Variants in RGMA observed in about 807,000 individuals in gnomAD.
The protein encoded by RGMA is repulsive guidance molecule A.
A neutral mutation model predicts 23.2 loss-of-function variants in RGMA; 10 were observed. The observed-to-expected ratio is 0.43, with a 90% CI of 0.27 to 0.73. RGMA has a LOEUF of 0.73. RGMA is among the 30% of genes least tolerant of loss of function. The pLI is 0.20. For synonymous variants in RGMA, 308 were observed against 279.3 expected (o/e 1.10, Z -1.03); for missense variants, 547 against 630.5 (o/e 0.87, Z 1.42).
In RGMA at chr15:93,047,762, G is replaced by A. The variant is rs182924535; in HGVS notation, c.646-2057C>T. 6.4e-4 allele frequency among the ~76,000 whole-genome samples: 98 copies of A among 152,328 alleles called. 2 individuals carry two copies. Among genetic ancestry groups the A allele is most frequent in the Admixed American group, 4.8e-3 (74 of 15,310 alleles). The stretch of plus-strand genomic sequence containing the variant: ...GGGGGAGGCATGAGGACTGCCTGCC[G>A]GCTCTCTGGGTAGAGGGCAATGCCG... On this transcript the variant is annotated intron_variant, in intron 3 of 3. Transcript: ENST00000329082.
intron 1 of RGMA, among the ~76,000 whole-genome samples, chr15:93,074,704 T>C (rs4778095): frequency 0.21 from 32,063 of 152,116 alleles, 3,529 homozygotes; most frequent in Middle Eastern, 0.34. Flanking sequence ...TCGAAAATGC[T>C]CTTCCTTTCA....
At chr15:93,047,111 C>T (rs7176464) in intron 3 of RGMA, among the ~76,000 whole-genome samples, 9 of 151,964 alleles carry the variant, frequency 5.9e-5, no homozygotes, top group African/African-American at 1.5e-4. Context: ...TTAGACTCTG[C>T]GTTTCCAGAC....
rs2054706957 is a variant in RGMA at position 93,040,130 on chromosome 15, G to A, written c.*4868C>T. ...TGGCTGAAGTGGGAGGATTGCTTGA[G>A]CCCAGGAAGTGGAGGCTGCAGTGAG... On this transcript the variant is annotated 3_prime_UTR_variant, in exon 4 of 4. Transcript: ENST00000329082. The A allele has an allele frequency of 6.6e-6, 1 of 152,242 alleles. No homozygotes were observed. Among genetic ancestry groups the A allele is most frequent in the Non-Finnish European group, 1.5e-5 (1 of 68,068 alleles). 9.4% of individuals were successfully genotyped at this position (152,242 alleles called of 1,614,324 possible).
intron 1 of RGMA, among the ~76,000 whole-genome samples, chr15:93,076,957 C>T (rs1208951377): frequency 2.6e-5 from 4 of 152,200 alleles, no homozygotes; most frequent in African/African-American, 7.2e-5. Context: ...ACACAGGCGC[C>T]AGGGGGCTCC....
At chr15:93,086,014 T>G (rs868153230) in intron 1 of RGMA, among the ~76,000 whole-genome samples, 2 of 152,370 alleles carry the variant, frequency 1.3e-5, no homozygotes, top group African/African-American at 4.8e-5. Context: ...AGGCTGAAAC[T>G]GAGCAGTCAT....
intron 3 of RGMA, among the ~76,000 whole-genome samples, chr15:93,048,268 A>G (rs761937897): frequency 1.3e-5 from 2 of 152,138 alleles, no homozygotes; most frequent in Non-Finnish European, 2.9e-5. Context: ...CCCCCGGAAG[A>G]ACAGAGGGAG....
chr15:93,081,099 A>G (rs1203551096), intron 1 of RGMA, among the ~76,000 whole-genome samples: 1 of 152,124 alleles, frequency 6.6e-6, no homozygotes, highest in African/African-American at 2.4e-5. Flanking sequence ...GAGACCTGGG[A>G]TTTGGGGTGG....
intron 2 of RGMA, chr15:93,065,987 A>C: frequency 8.5e-7 from 1 of 1,178,458 alleles, no homozygotes; most frequent in Non-Finnish European, 1.2e-6. Context: ...CGCTGCGCGG[A>C]GTCTTTGGCC....
chr15:93,053,585 G>A (rs1430641680), intron 2 of RGMA, among the ~76,000 whole-genome samples: 1 of 152,228 alleles, frequency 6.6e-6, no homozygotes, highest in East Asian at 1.9e-4. Context: ...ATAAAATTGA[G>A]TTGCACATAA....
At chr15:93,049,478 A>G (rs1414884131) in intron 3 of RGMA, among the ~76,000 whole-genome samples, 1 of 152,184 alleles carries the variant, frequency 6.6e-6, no homozygotes, top group East Asian at 1.9e-4. Context: ...GAAGAGGGTG[A>G]TGGAGCAGGA....
intron 2 of RGMA, chr15:93,065,986 G>A: frequency 1.7e-6 from 2 of 1,177,838 alleles, no homozygotes; most frequent in Non-Finnish European, 2.5e-6. Flanking sequence ...CCGCTGCGCG[G>A]AGTCTTTGGC....
chr15:93,066,947 T>C (rs1363904207), intron 2 of RGMA, among the ~76,000 whole-genome samples: 1 of 152,284 alleles, frequency 6.6e-6, no homozygotes, highest in Non-Finnish European at 1.5e-5. Context: ...TGACCCTGTG[T>C]TTCCTCATCA....
rs1351828914 is a variant in RGMA, at chr15:93,042,675, TCAGTTAATCTCAGAGTCTGTTTCATCGG to T, written c.*2295_*2322del. ...CCGTTGCTAAGGAGCCCTAGGCAAG[TCAGTTAATCTCAGAGTCTGTTTCATCGG>T]CAAAATGGGCCTGAATTTCTTCCTG... On this transcript the variant is annotated 3_prime_UTR_variant, in exon 4 of 4. Transcript: ENST00000329082. 6.6e-6 allele frequency: 1 copy of T among 152,280 alleles called. No homozygotes were observed. Among genetic ancestry groups the T allele is most frequent in the Admixed American group, 6.5e-5 (1 of 15,288 alleles). The allele number at this position is 152,280 out of a possible 1,614,324, so 9.4% of individuals were successfully genotyped here. A position where few individuals can be genotyped will look rare whatever the true frequency, so the allele number is the denominator to read the frequency against.
At chr15:93,050,241 T>TCAA (rs1010869832) in intron 3 of RGMA, among the ~76,000 whole-genome samples, 18 of 152,290 alleles carry the variant, frequency 1.2e-4, no homozygotes, top group African/African-American at 4.3e-4. Context: ...AGATGCAACG[T>TCAA]CTGTTAAGTG....
In RGMA at chr15:93,036,441, G is replaced by A. The variant is rs1023440655; in HGVS notation, c.*8557C>T. ...AAGTCCACTCAAGAAGGCGGTTGCC[G>A]GAGTTTTCCTGCTCCACCCTGGGGA... is the stretch of plus-strand genomic sequence containing the variant. On this transcript the variant is annotated 3_prime_UTR_variant, in exon 4 of 4. Coordinates refer to ENST00000329082, the MANE Select transcript of RGMA (RefSeq NM_020211.3). 6.6e-6 allele frequency: 1 copy of A among 152,300 alleles called. No homozygotes were observed. Among genetic ancestry groups the A allele is most frequent in the Non-Finnish European group, 1.5e-5 (1 of 68,102 alleles). The allele number at this position is 152,300 out of a possible 1,614,324, so 9.4% of individuals were successfully genotyped here.
At chr15:93,066,281 C>T in intron 2 of RGMA, 2 of 1,039,504 alleles carry the variant, frequency 1.9e-6, no homozygotes, top group Non-Finnish European at 1.5e-6. Context: ...AGACATCTTC[C>T]TTGGCGTCAT....
At chr15:93,068,721 C>T (rs941393118) in intron 2 of RGMA, among the ~76,000 whole-genome samples, 3 of 152,164 alleles carry the variant, frequency 2.0e-5, no homozygotes, top group Non-Finnish European at 2.9e-5. Context: ...ACATCAACTC[C>T]GAATTCACCT....
chr15:93,072,770 G>A, intron 2 of RGMA, 146 bp downstream of exon 2: 1 of 923,966 alleles, frequency 1.1e-6, no homozygotes, highest in Non-Finnish European at 1.6e-6. Context: ...CGGGGTGCGG[G>A]AGAAACAAAA....
Position 93,045,839 on chromosome 15 carries a change from G to T in RGMA, c.646-134C>A. ...ATGCCCCAGACACTCCCTTCTCCAG[G>T]TTGGACAGATCAGTTCCACCTGCGC... On this transcript the variant is annotated intron_variant, in intron 3 of 3. Coordinates refer to ENST00000329082, the MANE Select transcript of RGMA (RefSeq NM_020211.3). The surrounding 1 kb of genome is among the most constrained non-coding windows in gnomAD (Gnocchi z 6.9). 1 of 651,166 alleles carries T rather than the reference G, an allele frequency of 1.5e-6. No individual in the cohort carries two copies. Among genetic ancestry groups the T allele is most frequent in the Non-Finnish European group, 2.7e-6 (1 of 373,846 alleles). The allele number at this position is 651,166 out of a possible 1,614,324, so 40.3% of individuals were successfully genotyped here. A position where few individuals can be genotyped will look rare whatever the true frequency, so the allele number is the denominator to read the frequency against.
Sources: allele counts gnomAD v4.1 joint callset (sites outside exome capture counted in the v4.1 genomes callset), GRCh38; gene constraint gnomAD v4.1.1; non-coding constraint Gnocchi (gnomAD v3.1); transcripts MANE v1.5; gene names NCBI Gene and HGNC (gene_info 2026-07-23, HGNC 2026-07-21).